Variants in LAMC1 observed in about 807,000 individuals in gnomAD.
LAMC1 encodes laminin subunit gamma 1.
A neutral mutation model predicts 173.6 loss-of-function variants in LAMC1; 38 were observed. The ratio of observed to expected loss-of-function variants is 0.22; its 90% CI spans 0.17 to 0.29. LAMC1 has a LOEUF of 0.29. LAMC1 is among the 10% of genes least tolerant of loss of function. LAMC1 has a pLI of 1.00. For missense variants in LAMC1, 1,824 were observed against 2,051.8 expected, an observed-to-expected ratio of 0.89 and a Z score of 2.14; for synonymous variants, 746 against 749.1, an observed-to-expected ratio of 1.00 and a Z score of 0.07.
intron 1 of LAMC1, among the ~76,000 whole-genome samples, chr1:183,088,242 G>A (rs1361805498): frequency 2.6e-5 from 4 of 152,158 alleles, no homozygotes; most frequent in African/African-American, 9.7e-5. Context: ...AGAAAATATC[G>A]TCTTGTTTTA....
At chr1:183,052,896 T>C (rs1271190734) in intron 1 of LAMC1, among the ~76,000 whole-genome samples, 2 of 152,210 alleles carry the variant, frequency 1.3e-5, no homozygotes, top group African/African-American at 4.8e-5. Flanking sequence ...GCTACACTAA[T>C]GTTCTCTAGG....
intron 23 of LAMC1, 41 bp downstream of exon 23, chr1:183,134,850 AT>A (rs1656892841): frequency 2.5e-6 from 4 of 1,597,556 alleles, no homozygotes; most frequent in Non-Finnish European, 8.5e-7. Context: ...TTGAGGCAAC[AT>A]TTGAACAGTC....
chr1:183,097,455 G>A (rs548742242), intron 1 of LAMC1, among the ~76,000 whole-genome samples: 51 of 152,222 alleles, frequency 3.4e-4, no homozygotes, highest in African/African-American at 1.2e-3. Context: ...AGCTGTGGAA[G>A]GGCATTTTGC....
chr1:183,050,949 C>T (rs1166251261), intron 1 of LAMC1, among the ~76,000 whole-genome samples: 1 of 151,102 alleles, frequency 6.6e-6, no homozygotes, highest in Non-Finnish European at 1.5e-5. Context: ...TTTTTAAGGC[C>T]TTTAGATGTT....
chr1:183,111,926 T>G (rs1352533604), intron 4 of LAMC1, among the ~76,000 whole-genome samples: 1 of 152,022 alleles, frequency 6.6e-6, no homozygotes, highest in African/African-American at 2.4e-5. Context: ...TCACAGCTAC[T>G]CACTTGGGAA....
In LAMC1 at chr1:183,128,712, A is replaced by G. The variant is rs369208138; in HGVS notation, c.3242A>G (p.Glu1081Gly). Residue 1081 changes from glutamate (E) to glycine (G), a missense_variant, in exon 18 of 28, where the codon GAA becomes GGA. By Grantham distance (98) the Glu-to-Gly change is moderately conservative (BLOSUM62 -2). Transcript: ENST00000258341. ...GATAGACTAAAGGAAGCAGAGAGGG[A>G]AGTTATGGACCTCCTTCGTGAGGCC... ...FEDRLKEAER[E>G]VMDLLREAQD... The G allele has an allele frequency of 1.2e-6, 2 of 1,613,370 alleles. No homozygotes were observed. The highest frequency in any genetic ancestry group is 2.2e-5 in the South Asian group (2 of 90,978).
chr1:183,136,417 G>T lies in LAMC1; in HGVS notation c.4146G>T (p.Thr1382=). Residue 1382 remains threonine, a synonymous_variant, in exon 25 of 28, where the codon ACG becomes ACT. Transcript: ENST00000258341. ...DFDRRVNDNK[T]AAEEALRKIP... ...ATAGGCGTGTGAACGATAACAAGAC[G>T]GCCGCAGAGGAGGCACTAAGGAAGA... 6.2e-7 allele frequency: 1 copy of T among 1,614,124 alleles called. No individual in the cohort carries two copies.
chr1:183,024,193 G>A, intron 1 of LAMC1, 59 bp downstream of exon 1: 1 of 1,469,042 alleles, frequency 6.8e-7, no homozygotes, highest in Non-Finnish European at 9.1e-7. Flanking sequence ...CTCCCGGACC[G>A]GCTCCGTCCC....
chr1:183,122,433 GAT>G (rs1349805179), intron 13 of LAMC1, among the ~76,000 whole-genome samples, 182 bp downstream of exon 13: 1 of 152,186 alleles, frequency 6.6e-6, no homozygotes, highest in Non-Finnish European at 1.5e-5. Flanking sequence ...GGTATCCCCT[GAT>G]TGTCTCCATC....
At chr1:183,088,919 A>G (rs1203166198) in intron 1 of LAMC1, among the ~76,000 whole-genome samples, 1 of 152,226 alleles carries the variant, frequency 6.6e-6, no homozygotes, top group Non-Finnish European at 1.5e-5. Context: ...GAGATAGAAA[A>G]TGAAGCACAA....
chr1:183,126,368 G>GAC, intron 16 of LAMC1, 106 bp downstream of exon 16: 9 of 1,149,866 alleles, frequency 7.8e-6, no homozygotes, highest in Non-Finnish European at 1.1e-5. Context: ...TTGACTCATA[G>GAC]TCAGGGCTGT....
At chr1:183,072,099 C>G (rs371736641) in intron 1 of LAMC1, among the ~76,000 whole-genome samples, 23 of 152,202 alleles carry the variant, frequency 1.5e-4, no homozygotes, top group African/African-American at 5.3e-4. Flanking sequence ...TAAAAGTTAC[C>G]TTTTGAAAAT....
Position 183,140,453 on chromosome 1 carries a change from A to C in LAMC1, c.4523A>C (p.Asn1508Thr). ...GAGATCAATGCCAGAAAAGCCAAAA[A>C]CTCTGTTACTAGCCTCCTCAGCATT... ...EAEINARKAK[N>T]SVTSLLSIIN... Residue 1508 changes from asparagine (N) to threonine (T), a missense_variant, in exon 27 of 28, where the codon AAC becomes ACC. By Grantham distance (65) the Asn-to-Thr change is moderately conservative. Transcript: ENST00000258341. 1 of 1,613,352 alleles carries C rather than the reference A, an allele frequency of 6.2e-7. No homozygotes were observed. The highest frequency in any genetic ancestry group is 8.5e-7 in the Non-Finnish European group (1 of 1,179,760).
intron 1 of LAMC1, among the ~76,000 whole-genome samples, chr1:183,083,959 C>T (rs1448427839): frequency 6.6e-6 from 1 of 152,222 alleles, no homozygotes; most frequent in African/African-American, 2.4e-5. Context: ...TCAAGCCATG[C>T]ATACTGATCT....
chr1:183,134,632 G>C (rs202143637), intron 22 of LAMC1, 28 bp from the exon 23 acceptor site: 32 of 1,588,514 alleles, frequency 2.0e-5, no homozygotes, highest in Non-Finnish European at 2.2e-5. Flanking sequence ...TTTATCCAAA[G>C]TGTAGTGATC....
rs748743068 is a variant in LAMC1, at chr1:183,142,612, T to G, written c.4652T>G (p.Val1551Gly). Residue 1551 changes from valine to glycine, a missense_variant, in exon 28 of 28, where the codon GTC (valine) becomes GGC (glycine). Coordinates refer to ENST00000258341, the MANE Select transcript of LAMC1 (RefSeq NM_002293.4). ...TLNKAKDEMK[V>G]SDLDRKVSDL... Reference sequence around the variant, plus strand: ...AACAAAGCCAAAGATGAAATGAAGGTCAGCGATCTTGATAGGAAAGTGTCT... The same window carrying G: ...AACAAAGCCAAAGATGAAATGAAGGGCAGCGATCTTGATAGGAAAGTGTCT... The G allele has an allele frequency of 1.0e-4, 167 of 1,613,900 alleles. 1 individual carries two copies. Among genetic ancestry groups the G allele is most frequent in the Non-Finnish European group, 1.4e-4 (163 of 1,179,966 alleles).
intron 1 of LAMC1, among the ~76,000 whole-genome samples, chr1:183,086,350 C>A (rs1558043462): frequency 6.6e-6 from 1 of 152,178 alleles, no homozygotes; most frequent in Non-Finnish European, 1.5e-5. Context: ...AGTTTAGTTC[C>A]ACTGTTTTGT....
intron 1 of LAMC1, among the ~76,000 whole-genome samples, chr1:183,083,360 G>A (rs1466418638): frequency 1.3e-5 from 2 of 152,214 alleles, no homozygotes; most frequent in Non-Finnish European, 2.9e-5. Context: ...CCATCTGGGT[G>A]AATTGTAGCT....
chr1:183,116,622 T>A lies in LAMC1; in HGVS notation c.1374T>A (p.Ile458=), dbSNP rs749718028. The A allele has an allele frequency of 6.2e-7, 1 of 1,613,564 alleles. No individual in the cohort carries two copies. Among genetic ancestry groups the A allele is most frequent in the South Asian group, 1.1e-5 (1 of 91,028 alleles). ...CTGGCAGCATAGATGAATGTAATAT[T>A]GAAACAGGAAGATGTGTTTGCAAAG... ...DPSGSIDECN[I]ETGRCVCKDN... is the part of the protein sequence containing the mutation. Residue 458 remains isoleucine (I), a synonymous_variant, in exon 7 of 28, where the codon ATT becomes ATA. Transcript: ENST00000258341.
Sources: allele counts gnomAD v4.1 joint callset (sites outside exome capture counted in the v4.1 genomes callset), GRCh38; gene constraint gnomAD v4.1.1; transcripts MANE v1.5; gene names NCBI Gene and HGNC (gene_info 2026-07-23, HGNC 2026-07-21).